Variants in LDB2 observed in about 807,000 individuals in gnomAD.
The protein encoded by LDB2 is LIM domain-binding protein 2.
A neutral mutation model predicts 44.3 loss-of-function variants in LDB2; 12 were observed. The observed-to-expected ratio is 0.27, with a 90% CI of 0.17 to 0.44. LDB2 has a LOEUF of 0.44. Among genes scored for constraint, LDB2 ranks in the 20% least tolerant of loss-of-function variants. The pLI, the probability that LDB2 is intolerant of heterozygous loss-of-function variation, is 1.00. For missense variants in LDB2, 344 were observed against 473.5 expected, an observed-to-expected ratio of 0.73 and a Z score of 2.54; for synonymous variants, 164 against 174.8, an observed-to-expected ratio of 0.94 and a Z score of 0.49.
intron 5 of LDB2, among the ~76,000 whole-genome samples, chr4:16,560,466 G>C (rs182208398): frequency 7.2e-5 from 11 of 152,284 alleles, no homozygotes; most frequent in Non-Finnish European, 1.5e-4. Flanking sequence ...AGAAAATCTA[G>C]AAGAAATGGA....
chr4:16,650,827 G>A lies in LDB2; in HGVS notation c.236-54952C>T, dbSNP rs541888264. ...TAAAAAGTGGGAGTCACTGAAGACT[G>A]TCATATCAATGGTCACTCTCCTTTC... On this transcript the variant is annotated intron_variant, in intron 2 of 7. Transcript: ENST00000304523. Among the ~76,000 whole-genome samples, 3 of 152,292 alleles carry A rather than the reference G, an allele frequency of 2.0e-5. No individual in the cohort carries two copies. In the East Asian group the frequency reaches 5.8e-4, roughly 29 times the overall value.
intron 2 of LDB2, among the ~76,000 whole-genome samples, chr4:16,646,251 T>G (rs902827893): frequency 1.3e-5 from 2 of 152,220 alleles, no homozygotes; most frequent in Admixed American, 6.5e-5. Flanking sequence ...AAATCTCTCT[T>G]TCCGCTTTCT....
intron 5 of LDB2, among the ~76,000 whole-genome samples, chr4:16,535,050 AAAGT>A (rs1731309757): frequency 6.6e-6 from 1 of 152,218 alleles, no homozygotes; most frequent in African/African-American, 2.4e-5. Flanking sequence ...AGGTTGAAAG[AAAGT>A]AAGAAGTTCT....
intron 2 of LDB2, among the ~76,000 whole-genome samples, chr4:16,665,402 A>C (rs1038340823): frequency 2.6e-5 from 4 of 151,522 alleles, no homozygotes; most frequent in Non-Finnish European, 5.9e-5. Context: ...AGTAATTGGG[A>C]CTACAGGTGT....
chr4:16,659,671 G>GTGTGTATATATA lies in LDB2; in HGVS notation c.236-63797_236-63796insTATATATACACA, dbSNP rs1315288524. The stretch of plus-strand genomic sequence containing the variant: ...CACACATATGAGTATATCTATGTGT[G>GTGTGTATATATA]TATATATATATATATATATATGTAT... On this transcript the variant is annotated intron_variant, in intron 2 of 7. Transcript: ENST00000304523. Among the ~76,000 whole-genome samples, 67 of 133,550 alleles carry GTGTGTATATATA rather than the reference G, an allele frequency of 5.0e-4. 1 individual carries two copies. The highest frequency in any genetic ancestry group is 1.9e-3 in the African/African-American group (62 of 33,106). 87.6% of individuals were successfully genotyped at this position (133,550 alleles called of 152,430 possible).
intron 2 of LDB2, among the ~76,000 whole-genome samples, chr4:16,722,174 A>G (rs968544671): frequency 6.6e-6 from 1 of 152,120 alleles, no homozygotes; most frequent in Admixed American, 6.6e-5. Context: ...GCTTTCTTCC[A>G]TGTATTTTGG....
At chr4:16,686,876 G>A (rs1749380177) in intron 2 of LDB2, among the ~76,000 whole-genome samples, 1 of 152,038 alleles carries the variant, frequency 6.6e-6, no homozygotes, top group Non-Finnish European at 1.5e-5. Flanking sequence ...TCATAATTTT[G>A]GTGGGGTTGG....
At chr4:16,618,420 A>G (rs529712551) in intron 2 of LDB2, among the ~76,000 whole-genome samples, 4 of 152,306 alleles carry the variant, frequency 2.6e-5, no homozygotes, top group Non-Finnish European at 5.9e-5. Context: ...AGGACTTGTC[A>G]GGGCACCCAG....
chr4:16,502,339 C>T lies in LDB2; in HGVS notation c.*304G>A, dbSNP rs1004510740. The T allele has an allele frequency of 2.9e-6, 1 of 341,668 alleles. No homozygotes were observed. The highest frequency in any genetic ancestry group is 5.4e-6 in the Non-Finnish European group (1 of 184,236). 21.2% of individuals were successfully genotyped at this position (341,668 alleles called of 1,614,324 possible). A position where few individuals can be genotyped will look rare whatever the true frequency, so the allele number is the denominator to read the frequency against. ...TGATGCATAAAAAGGAAATTCAACA[C>T]AAACACGTTGTTAAAACCGTGCCAG... On this transcript the variant is annotated 3_prime_UTR_variant, in exon 8 of 8. Transcript: ENST00000304523.
At chr4:16,602,621 A>G (rs1722877468) in intron 2 of LDB2, among the ~76,000 whole-genome samples, 1 of 152,054 alleles carries the variant, frequency 6.6e-6, no homozygotes, top group Non-Finnish European at 1.5e-5. Context: ...TCCTAAATGC[A>G]TTTTCCAGCT....
intron 2 of LDB2, among the ~76,000 whole-genome samples, chr4:16,610,880 C>T (rs1032407634): frequency 6.6e-6 from 1 of 152,100 alleles, no homozygotes; most frequent in African/African-American, 2.4e-5. Flanking sequence ...TTAAGATACT[C>T]CACAAGAAGA....
chr4:16,749,563 A>T (rs1227599113), intron 2 of LDB2, among the ~76,000 whole-genome samples: 3 of 140,002 alleles, frequency 2.1e-5, no homozygotes, highest in Non-Finnish European at 4.5e-5. Context: ...CATCTCAAAA[A>T]AAAAAAAAAT....
intron 2 of LDB2, among the ~76,000 whole-genome samples, chr4:16,601,916 T>C (rs1281875084): frequency 1.3e-5 from 2 of 152,090 alleles, no homozygotes; most frequent in Admixed American, 1.3e-4. Context: ...GCCAAAACAA[T>C]GGAAGTAAAA....
intron 2 of LDB2, among the ~76,000 whole-genome samples, chr4:16,623,364 G>A (rs143330862): frequency 9.8e-5 from 15 of 152,288 alleles, no homozygotes; most frequent in African/African-American, 3.4e-4. Flanking sequence ...TTGAGAGACC[G>A]AGGCGGGCGG....
At chr4:16,605,820 G>A (rs1205798606) in intron 2 of LDB2, among the ~76,000 whole-genome samples, 1 of 152,184 alleles carries the variant, frequency 6.6e-6, no homozygotes, top group Admixed American at 6.5e-5. Context: ...ACTGCCCTAA[G>A]GATGGAGGAG....
At chr4:16,598,561 A>G (rs540845643) in intron 2 of LDB2, among the ~76,000 whole-genome samples, 1 of 152,160 alleles carries the variant, frequency 6.6e-6, no homozygotes. Context: ...AATAAAAGAA[A>G]TATTTGTATT....
intron 2 of LDB2, among the ~76,000 whole-genome samples, chr4:16,757,999 G>T (rs529130660): frequency 4.0e-5 from 6 of 151,894 alleles, no homozygotes; most frequent in African/African-American, 1.2e-4. Context: ...TGAGAGATGC[G>T]CCTGGCAACC....
At chr4:16,548,991 T>C (rs1194437267) in intron 5 of LDB2, among the ~76,000 whole-genome samples, 1 of 152,336 alleles carries the variant, frequency 6.6e-6, no homozygotes, top group South Asian at 2.1e-4. Context: ...TGGCGTCTTA[T>C]ATGATTAGGA....
At chr4:16,862,246 AT>A (rs112121810) in intron 1 of LDB2, among the ~76,000 whole-genome samples, 4,611 of 146,922 alleles carry the variant, frequency 0.031, 94 homozygotes, top group Middle Eastern at 0.087. Context: ...ATTTTTTTCA[AT>A]TTTTTTTTTT....
Sources: allele counts gnomAD v4.1 joint callset (sites outside exome capture counted in the v4.1 genomes callset), GRCh38; gene constraint gnomAD v4.1.1; transcripts MANE v1.5; gene names NCBI Gene and HGNC (gene_info 2026-07-23, HGNC 2026-07-21).